The following SGCZ variants were observed in gnomAD, a reference collection of about 807,000 sequenced individuals.
The protein encoded by SGCZ is zeta-sarcoglycan.
Under a neutral mutation model 41.3 loss-of-function variants are expected in SGCZ, and 40 were observed. The ratio of observed to expected loss-of-function variants is 0.97; its 90% confidence interval spans 0.75 to 1.26. The LOEUF (loss-of-function observed/expected upper bound fraction) is 1.26. Ranked by LOEUF, SGCZ falls within the 50% of genes most tolerant of loss-of-function variation. The pLI is 0.00. For synonymous variants in SGCZ, 206 were observed against 137.5 expected, an observed-to-expected ratio of 1.50 and a Z score of -3.49; for missense variants, 552 against 369.8, an observed-to-expected ratio of 1.49 and a Z score of -4.04.
Position 14,372,444 on chromosome 8 carries a change from A to G in SGCZ, c.235-48240T>C, listed in dbSNP as rs187157288. ...AAGACAGAGAAGTGAGCATGAGAGGATTTCTGTGGCTTCACAGAACTTACA... is the reference window on the plus strand; with the variant it reads ...AAGACAGAGAAGTGAGCATGAGAGGGTTTCTGTGGCTTCACAGAACTTACA... On this transcript the variant is annotated intron_variant, in intron 2 of 7. Transcript: ENST00000382080. Among the ~76,000 whole-genome samples the G allele has an allele frequency of 5.0e-3, 762 of 152,242 alleles. 11 individuals are homozygous for G. The highest frequency in any genetic ancestry group is 7.4e-3 in the Non-Finnish European group (504 of 67,994).
chr8:14,797,944 T>A (rs1801191529), intron 1 of SGCZ, among the ~76,000 whole-genome samples: 2 of 152,300 alleles, frequency 1.3e-5, no homozygotes, highest in South Asian at 4.1e-4. Context: ...GAACTGAGAT[T>A]TGGAAACCTC....
rs550645961 is a variant in SGCZ at position 14,180,528 on chromosome 8, T to C, written c.425-15826A>G. Reference sequence around the variant, plus strand: ...TAGACTGGAAGTCCCATTTATCATATAACCCAACATGCGCAGTCTCATTGA... The same window carrying C: ...TAGACTGGAAGTCCCATTTATCATACAACCCAACATGCGCAGTCTCATTGA... On this transcript the variant is annotated intron_variant, in intron 4 of 7. Coordinates refer to ENST00000382080, the MANE Select transcript of SGCZ (RefSeq NM_139167.4). 1.8e-4 allele frequency among the ~76,000 whole-genome samples: 27 copies of C among 152,036 alleles called. No individual in the cohort carries two copies. In the South Asian group the frequency reaches 5.6e-3, roughly 32 times the overall value.
chr8:14,162,816 G>T (rs751113243), intron 5 of SGCZ: 1 of 152,258 alleles, frequency 6.6e-6, no homozygotes, highest in African/African-American at 2.4e-5. Flanking sequence ...ACCCAGTGAG[G>T]GTTCCCATTC....
At position 14,675,577 on chromosome 8, in the gene SGCZ, T is replaced by A. The variant is rs543709624; in HGVS notation, c.40-120651A>T. Among the ~76,000 whole-genome samples, 4 of 152,040 alleles carry A rather than the reference T, an allele frequency of 2.6e-5. No individual in the cohort carries two copies. The East Asian group carries it at 7.7e-4, about 29-fold the overall frequency. On this transcript the variant is annotated intron_variant, in intron 1 of 7. Coordinates refer to ENST00000382080, the MANE Select transcript of SGCZ (RefSeq NM_139167.4). ...AATTTATATGAGAAAATATGTTAAA[T>A]TACCAAAAAATATACACTGAGCTCC... is the stretch of plus-strand genomic sequence containing the variant.
At chr8:14,607,366 C>T (rs4831609) in intron 1 of SGCZ, among the ~76,000 whole-genome samples, 55,617 of 151,926 alleles carry the variant, frequency 0.37, 10,417 homozygotes, top group East Asian at 0.62. Flanking sequence ...TTAAATATAA[C>T]TTTTATGAAT....
intron 1 of SGCZ, among the ~76,000 whole-genome samples, chr8:14,699,883 G>T (rs1246991843): frequency 6.6e-6 from 1 of 151,884 alleles, no homozygotes. Context: ...TTAGAGAAAT[G>T]CAAATCAAAA....
At chr8:14,648,102 A>T (rs1019125030) in intron 1 of SGCZ, among the ~76,000 whole-genome samples, 1 of 152,070 alleles carries the variant, frequency 6.6e-6, no homozygotes. Flanking sequence ...AAAAACTCCA[A>T]TTCCACAGAG....
At chr8:14,190,436 T>C (rs1175118466) in intron 4 of SGCZ, among the ~76,000 whole-genome samples, 1 of 152,058 alleles carries the variant, frequency 6.6e-6, no homozygotes, top group African/African-American at 2.4e-5. Flanking sequence ...TCATTATTGA[T>C]ACGTCTATCA....
rs986538945 is a variant in SGCZ at position 15,202,187 on chromosome 8, C to T, written c.39+35398G>A. On this transcript the variant is annotated intron_variant, in intron 1 of 7. Transcript: ENST00000382080. Reference sequence around the variant, plus strand: ...GAGGAATCTAAATGTGATCTTTTGTCATTGCTAACCATTGCCTAAGTAATA... The same window carrying T: ...GAGGAATCTAAATGTGATCTTTTGTTATTGCTAACCATTGCCTAAGTAATA... Among the ~76,000 whole-genome samples the T allele has an allele frequency of 3.9e-5, 6 of 152,294 alleles. No individual in the cohort carries two copies. The South Asian group carries it at 1.2e-3, about 32-fold the overall frequency.
intron 2 of SGCZ, among the ~76,000 whole-genome samples, chr8:14,496,749 C>T (rs1022390760): frequency 6.6e-6 from 1 of 152,114 alleles, no homozygotes; most frequent in African/African-American, 2.4e-5. Context: ...CAGGCACTCT[C>T]ATGTGTTTGA....
At chr8:15,005,252 G>T (rs1802562708) in intron 1 of SGCZ, among the ~76,000 whole-genome samples, 1 of 151,944 alleles carries the variant, frequency 6.6e-6, no homozygotes, top group South Asian at 2.1e-4. Flanking sequence ...TCAAAATGAT[G>T]GTAGCAGGTT....
chr8:14,145,488 G>C (rs1435850348), intron 5 of SGCZ, among the ~76,000 whole-genome samples: 3 of 152,102 alleles, frequency 2.0e-5, no homozygotes, highest in Non-Finnish European at 2.9e-5. Flanking sequence ...ATCCCAGACA[G>C]TGGAGACTCT....
At chr8:14,474,624 G>T (rs1387772415) in intron 2 of SGCZ, among the ~76,000 whole-genome samples, 1 of 152,068 alleles carries the variant, frequency 6.6e-6, no homozygotes, top group Non-Finnish European at 1.5e-5. Flanking sequence ...AAAACATACA[G>T]GTCCATTAAA....
At chr8:14,767,038 C>A in intron 1 of SGCZ, among the ~76,000 whole-genome samples, 1 of 150,254 alleles carries the variant, frequency 6.7e-6, no homozygotes, top group Admixed American at 6.8e-5. Flanking sequence ...GATGTCTACA[C>A]AATTATATAA....
At chr8:14,457,215 A>G (rs1800771017) in intron 2 of SGCZ, among the ~76,000 whole-genome samples, 1 of 152,172 alleles carries the variant, frequency 6.6e-6, no homozygotes, top group Non-Finnish European at 1.5e-5. Context: ...CCTAGGAAAA[A>G]CCAGGCCATA....
intron 2 of SGCZ, among the ~76,000 whole-genome samples, chr8:14,527,382 A>G (rs2117115850): frequency 6.6e-6 from 1 of 152,260 alleles, no homozygotes; most frequent in South Asian, 2.1e-4. Context: ...GCTCACTGCA[A>G]CCTCAAACTC....
chr8:14,980,745 A>C (rs1361668015), intron 1 of SGCZ, among the ~76,000 whole-genome samples: 2 of 17,730 alleles, frequency 1.1e-4, no homozygotes, highest in African/African-American at 1.9e-4. Flanking sequence ...ATCATCTCCC[A>C]CTGGGTCCCT....
At position 14,422,505 on chromosome 8, in the gene SGCZ, C is replaced by G. The variant is rs183515332; in HGVS notation, c.235-98301G>C. Among the ~76,000 whole-genome samples, 459 of 152,292 alleles carry G rather than the reference C, an allele frequency of 3.0e-3. 3 individuals are homozygous for G. The highest frequency in any genetic ancestry group is 5.1e-3 in the Non-Finnish European group (346 of 68,032). ...ACTTCAGGTTCAAATGTGCCACAGACCCCTCACACACTCATTGGTGAAATT... is the reference window on the plus strand; with the variant it reads ...ACTTCAGGTTCAAATGTGCCACAGAGCCCTCACACACTCATTGGTGAAATT... On this transcript the variant is annotated intron_variant, in intron 2 of 7. Transcript: ENST00000382080.
chr8:14,323,928 A>G (rs1426662348), intron 3 of SGCZ, among the ~76,000 whole-genome samples, 175 bp downstream of exon 3: 1 of 152,070 alleles, frequency 6.6e-6, no homozygotes, highest in African/African-American at 2.4e-5. Flanking sequence ...GTCGGGTTGA[A>G]ACTAACCTCC....
Sources: allele counts gnomAD v4.1 joint callset (sites outside exome capture counted in the v4.1 genomes callset), GRCh38; gene constraint gnomAD v4.1.1; transcripts MANE v1.5; gene names NCBI Gene and HGNC (gene_info 2026-07-23, HGNC 2026-07-21).